Variants in NEK1 observed in about 807,000 individuals in gnomAD.
NEK1 encodes the protein NIMA related kinase 1.
Under a neutral mutation model 182.1 loss-of-function variants are expected in NEK1, and 137 were observed. The observed-to-expected ratio is 0.75, with a 90% confidence interval of 0.65 to 0.87. NEK1 has a LOEUF of 0.87. NEK1 is among the 40% of genes least tolerant of loss of function. The pLI, the probability that NEK1 is intolerant of heterozygous loss-of-function variation, is 0.00. For synonymous variants in NEK1, 513 were observed against 492.2 expected (o/e 1.04, Z -0.56); for missense variants, 1,391 against 1,494.4 (o/e 0.93, Z 1.14).
At chr4:169,545,308 GT>G (rs1156485018) in intron 18 of NEK1, among the ~76,000 whole-genome samples, 1 of 150,048 alleles carries the variant, frequency 6.7e-6, no homozygotes, top group Non-Finnish European at 1.5e-5. Flanking sequence ...GCAGTGTTTG[GT>G]TTTTTGTTCT....
chr4:169,458,518 A>C (rs1017187502), intron 27 of NEK1, among the ~76,000 whole-genome samples: 3 of 152,160 alleles, frequency 2.0e-5, no homozygotes, highest in African/African-American at 7.2e-5. Flanking sequence ...ACTTGACCTC[A>C]GAAGTTTGAG....
At chr4:169,511,453 T>C (rs1754165891) in intron 19 of NEK1, among the ~76,000 whole-genome samples, 1 of 152,164 alleles carries the variant, frequency 6.6e-6, no homozygotes, top group Admixed American at 6.6e-5. Flanking sequence ...CCTTTCATGA[T>C]ATTTGAGAAA....
chr4:169,431,889 A>T (rs934576251), intron 29 of NEK1, among the ~76,000 whole-genome samples: 2 of 152,100 alleles, frequency 1.3e-5, no homozygotes, highest in African/African-American at 4.8e-5. Context: ...TAACAATAAA[A>T]GATAAACAAA....
chr4:169,529,795 T>C (rs925927990), intron 19 of NEK1, among the ~76,000 whole-genome samples: 5 of 152,140 alleles, frequency 3.3e-5, no homozygotes, highest in African/African-American at 9.7e-5. Flanking sequence ...ATGGCAAATA[T>C]GAAAAGACAT....
At chr4:169,462,144 CAAAA>C (rs956871364) in intron 27 of NEK1, among the ~76,000 whole-genome samples, 1 of 145,862 alleles carries the variant, frequency 6.9e-6, no homozygotes, top group African/African-American at 2.7e-5. Context: ...TTTTAGACTA[CAAAA>C]AAAATCTGAA....
chr4:169,596,406 G>A (rs1191111419), intron 5 of NEK1, among the ~76,000 whole-genome samples: 1 of 152,098 alleles, frequency 6.6e-6, no homozygotes, highest in African/African-American at 2.4e-5. Context: ...ATTATTTATG[G>A]TCACATGTGG....
chr4:169,602,319 A>C (rs1770636199), intron 3 of NEK1, among the ~76,000 whole-genome samples, 195 bp downstream of exon 3: 1 of 152,182 alleles, frequency 6.6e-6, no homozygotes. Context: ...ATATTTTTCT[A>C]AACACATAAA....
At chr4:169,435,546 T>C (rs2149417287) in intron 28 of NEK1, among the ~76,000 whole-genome samples, 1 of 152,322 alleles carries the variant, frequency 6.6e-6, no homozygotes, top group East Asian at 1.9e-4. Context: ...TCTCCTCCTC[T>C]TTAATTTCAG....
chr4:169,522,552 G>A (rs1048564022), intron 19 of NEK1, among the ~76,000 whole-genome samples: 1 of 152,114 alleles, frequency 6.6e-6, no homozygotes, highest in Non-Finnish European at 1.5e-5. Context: ...ATTGCAGTTC[G>A]GTTTTCTGAA....
intron 31 of NEK1, among the ~76,000 whole-genome samples, chr4:169,409,207 C>T (rs185750440): frequency 6.3e-4 from 96 of 152,052 alleles, no homozygotes; most frequent in African/African-American, 2.2e-3. Flanking sequence ...TGCAGTGGCG[C>T]GATCTCGGCT....
At chr4:169,394,849 C>CTGAATGGAAAAACTTT (rs1730427123) in intron 35 of NEK1, among the ~76,000 whole-genome samples, 1 of 151,806 alleles carries the variant, frequency 6.6e-6, no homozygotes, top group Non-Finnish European at 1.5e-5. Context: ...ACTGAAAACA[C>CTGAATGGAAAAACTTT]CCTAGTGAAT....
At chr4:169,428,351 G>GATATATAT (rs60550267) in intron 29 of NEK1, among the ~76,000 whole-genome samples, 2,471 of 93,206 alleles carry the variant, frequency 0.027, 134 homozygotes, top group African/African-American at 0.076. Flanking sequence ...AAATATATGG[G>GATATATAT]ATATATATAT....
chr4:169,540,312 A>G (rs1435462285), intron 18 of NEK1, among the ~76,000 whole-genome samples: 2 of 152,168 alleles, frequency 1.3e-5, no homozygotes, highest in Non-Finnish European at 2.9e-5. Context: ...AATCAGCGTA[A>G]TACATATATT....
intron 19 of NEK1, among the ~76,000 whole-genome samples, chr4:169,533,051 T>C (rs953393041): frequency 7.2e-5 from 11 of 151,854 alleles, no homozygotes; most frequent in Admixed American, 6.6e-4. Flanking sequence ...GCAAAGGGAG[T>C]ATAGTAGGCA....
chr4:169,470,051 A>G (rs1170351984), intron 26 of NEK1, among the ~76,000 whole-genome samples: 2 of 151,488 alleles, frequency 1.3e-5, no homozygotes, highest in Non-Finnish European at 2.9e-5. Flanking sequence ...TCCTTAATAC[A>G]GCACACTGAT....
chr4:169,453,811 C>A (rs1018101760), intron 27 of NEK1, among the ~76,000 whole-genome samples: 4 of 152,184 alleles, frequency 2.6e-5, no homozygotes, highest in African/African-American at 9.6e-5. Context: ...GTTCGGGGCT[C>A]TCAGCTCTGA....
intron 4 of NEK1, 104 bp downstream of exon 4, chr4:169,601,904 G>A (rs775909035): frequency 1.9e-4 from 148 of 776,246 alleles, no homozygotes; most frequent in Middle Eastern, 5.1e-4. Context: ...ATTCATATGC[G>A]TATGTTTTTA....
chr4:169,528,865 G>C (rs1390623810), intron 19 of NEK1, among the ~76,000 whole-genome samples: 1 of 151,948 alleles, frequency 6.6e-6, no homozygotes, highest in Non-Finnish European at 1.5e-5. Flanking sequence ...TCATACACTA[G>C]ATCAAAGTAC....
At position 169,415,167 on chromosome 4, in the gene NEK1, G is replaced by A. The variant is rs1456073175; in HGVS notation, c.3223-8420C>T. 2.0e-5 allele frequency among the ~76,000 whole-genome samples: 3 copies of A among 152,282 alleles called. No individual in the cohort carries two copies. The East Asian group carries it at 5.8e-4, about 29-fold the overall frequency. Reference sequence around the variant, plus strand: ...TTGGTAATCTAGAATCTGTCCTTATGTAAACAAAAGCATGAGAAAACAACA... The same window carrying A: ...TTGGTAATCTAGAATCTGTCCTTATATAAACAAAAGCATGAGAAAACAACA... On this transcript the variant is annotated intron_variant, in intron 31 of 35. Coordinates refer to ENST00000507142, the MANE Select transcript of NEK1 (RefSeq NM_001199397.3).
Sources: gnomAD v4.1 joint callset for allele counts (sites outside exome capture counted in the v4.1 genomes callset) on GRCh38, gnomAD v4.1.1 for gene constraint, MANE v1.5 for transcripts, NCBI Gene and HGNC (gene_info 2026-07-23, HGNC 2026-07-21) for gene names.